RTN4: variants seen among roughly 807,000 people sequenced by gnomAD.
RTN4 encodes reticulon 4, also known as reticulon-4.
A neutral mutation model predicts 90.4 loss-of-function variants in RTN4; 32 were observed. The ratio of observed to expected loss-of-function variants is 0.35; its 90% CI spans 0.27 to 0.48. The LOEUF (loss-of-function observed/expected upper bound fraction) is 0.48, where lower values mean the gene tolerates loss of function less well. RTN4 is among the 20% of genes least tolerant of loss of function. The pLI, the probability that RTN4 is intolerant of heterozygous loss-of-function variation, is 0.99. For missense variants in RTN4, 1,706 were observed against 1,430.2 expected (o/e 1.19, Z -3.11); for synonymous variants, 629 against 552.5 (o/e 1.14, Z -1.94).
Position 55,025,185 on chromosome 2 carries a change from C to T in RTN4, c.2914G>A (p.Val972Ile), listed in dbSNP as rs200950640. 6.2e-7 allele frequency: 1 copy of T among 1,613,764 alleles called. No homozygotes were observed. Among genetic ancestry groups the T allele is most frequent in the South Asian group, 1.1e-5 (1 of 91,066 alleles). The change falls in exon 3 of 9, where the codon GTT becomes ATT. Residue 972 changes from valine (V) to isoleucine (I), a missense_variant. By Grantham distance (29) the Val-to-Ile change is conservative. Coordinates refer to ENST00000337526, the MANE Select transcript of RTN4 (RefSeq NM_020532.5). ...AEIESIVKPK[V>I]LVKEAEKKLP... ...TTTTTCTCAGCTTCTTTCACAAGAA[C>T]TTTGGGTTTAACTATGCTCTCTATC...
At chr2:55,065,588 TA>T (rs1234188079) in intron 2 of RTN4, among the ~76,000 whole-genome samples, 1 of 151,952 alleles carries the variant, frequency 6.6e-6, no homozygotes, top group Non-Finnish European at 1.5e-5. Flanking sequence ...TGGTTTGCAA[TA>T]AAAAGAGCAA....
At chr2:55,036,613 A>G (rs1437340079) in intron 1 of RTN4, among the ~76,000 whole-genome samples, 1 of 130,778 alleles carries the variant, frequency 7.6e-6, no homozygotes, top group African/African-American at 2.5e-5. Flanking sequence ...AAAAAAAAAA[A>G]AAAAAAAAAA....
chr2:55,045,369 C>T (rs1428797310), intron 1 of RTN4, among the ~76,000 whole-genome samples: 6 of 152,168 alleles, frequency 3.9e-5, no homozygotes, highest in African/African-American at 7.2e-5. Flanking sequence ...TTAAAGAAAG[C>T]GTGCTTCTTA....
rs115166488 is a variant in RTN4 at position 55,018,690 on chromosome 2, G to A, written c.3013+6396C>T. On this transcript the variant is annotated intron_variant, in intron 3 of 8. Transcript: ENST00000337526. Reference sequence around the variant, plus strand: ...AATCAGGAAAGAAAGAACAAACCCTGTGAGAATGGATTAGAATTAGAGGTA... The same window carrying A: ...AATCAGGAAAGAAAGAACAAACCCTATGAGAATGGATTAGAATTAGAGGTA... 3.4e-4 allele frequency among the ~76,000 whole-genome samples: 51 copies of A among 152,208 alleles called. 1 individual carries two copies. Among genetic ancestry groups the A allele is most frequent in the African/African-American group, 1.1e-3 (45 of 41,548 alleles).
chr2:54,975,449 A>T (rs916979566), intron 5 of RTN4, among the ~76,000 whole-genome samples: 2 of 152,194 alleles, frequency 1.3e-5, no homozygotes, highest in African/African-American at 4.8e-5. Flanking sequence ...ATAAATGAAA[A>T]GGGGAGTAGT....
chr2:55,073,442 A>G (rs1668548549), intron 2 of RTN4, among the ~76,000 whole-genome samples: 1 of 152,246 alleles, frequency 6.6e-6, no homozygotes. Flanking sequence ...TTCAATTTTT[A>G]TGTGTTATCC....
chr2:55,041,000 T>TA lies in RTN4; in HGVS notation c.556+8744dup, dbSNP rs35194022. On this transcript the variant is annotated intron_variant, in intron 1 of 8. Transcript: ENST00000337526. ...GGCCACCTATGTAAAGAGACTGCTTTAAAAAAAAAAAATCCAGTATTTGGC... is the reference window on the plus strand; with the variant it reads ...GGCCACCTATGTAAAGAGACTGCTTTAAAAAAAAAAAAATCCAGTATTTGGC... Among the ~76,000 whole-genome samples, 413 of 147,688 alleles carry TA rather than the reference T, an allele frequency of 2.8e-3. 2 individuals are homozygous for TA. Among genetic ancestry groups the TA allele is most frequent in the African/African-American group, 8.4e-3 (339 of 40,508 alleles).
At chr2:55,019,976 G>C (rs1318885973) in intron 3 of RTN4, among the ~76,000 whole-genome samples, 4 of 151,934 alleles carry the variant, frequency 2.6e-5, no homozygotes, top group African/African-American at 9.7e-5. Context: ...AAATACCTCA[G>C]AATAAGTTTA....
rs544932958 is a variant in RTN4 at position 55,061,168 on chromosome 2, CAA to C, written c.-63+19319_-63+19320del. Among the ~76,000 whole-genome samples the C allele has an allele frequency of 1.3e-4, 19 of 151,158 alleles. No individual in the cohort carries two copies. In the South Asian group the frequency reaches 4.0e-3, roughly 32 times the overall value. ...GCAACCTCCGCCTCCTGGGTTCCAG[CAA>C]TTTTCCTGCCTCAGCCTCCCAAGTA... is the stretch of plus-strand genomic sequence containing the variant. On this transcript the variant is annotated intron_variant, in intron 2 of 3. Transcript: ENST00000427710.
chr2:55,094,897 T>C (rs997309232), intron 1 of RTN4, among the ~76,000 whole-genome samples: 2 of 152,180 alleles, frequency 1.3e-5, no homozygotes, highest in Non-Finnish European at 2.9e-5. Flanking sequence ...AAGAAATTCA[T>C]ATAAGAAACT....
intron 5 of RTN4, 80 bp downstream of exon 5, chr2:54,982,435 T>C (rs193061187): frequency 2.9e-5 from 36 of 1,235,560 alleles, no homozygotes; most frequent in African/African-American, 4.6e-5. Flanking sequence ...TACTTGAATA[T>C]AGAAGAACAG....
chr2:55,048,554 T>C (rs758383926), intron 1 of RTN4, among the ~76,000 whole-genome samples: 13 of 152,076 alleles, frequency 8.5e-5, no homozygotes, highest in African/African-American at 1.4e-4. Flanking sequence ...ACCCTAGGCC[T>C]ACACAGGGTC....
rs1350375381 is a variant in RTN4 at position 55,050,112 on chromosome 2, C to G, written c.189G>C (p.Leu63=). The G allele has an allele frequency of 4.7e-6, 7 of 1,499,636 alleles. No homozygotes were observed. In the African/African-American group the frequency reaches 1.0e-4, roughly 21 times the overall value. 92.9% of individuals were successfully genotyped at this position (1,499,636 alleles called of 1,614,324 possible). The change falls in exon 1 of 9, where the codon CTG becomes CTC. Residue 63 remains leucine, a synonymous_variant. Transcript: ENST00000337526. This position sits in a 1 kb window ranked among gnomAD's most constrained non-coding sequence, Gnocchi z 4.6. ...GGGCGGTGGGCACTGGGGCCGCGGA[C>G]AGCCCGGCGGCGGGCTTCCTCTCCA... ...EVLERKPAAG[L]SAAPVPTAPA... is the part of the protein sequence containing the mutation.
At chr2:55,013,945 T>G (rs187316874) in intron 3 of RTN4, among the ~76,000 whole-genome samples, 2 of 152,292 alleles carry the variant, frequency 1.3e-5, no homozygotes, top group Admixed American at 6.5e-5. Context: ...CTAAAATAAT[T>G]TATACTTTCC....
chr2:55,009,599 A>C (rs1391746850), intron 3 of RTN4, among the ~76,000 whole-genome samples: 6 of 152,232 alleles, frequency 3.9e-5, no homozygotes, highest in African/African-American at 7.2e-5. Context: ...GATTAAAAGA[A>C]AGTTGGTAAT....
At chr2:55,057,051 C>T (rs1457348780) in intron 2 of RTN4, among the ~76,000 whole-genome samples, 1 of 152,170 alleles carries the variant, frequency 6.6e-6, no homozygotes, top group Non-Finnish European at 1.5e-5. Context: ...AATGCACAAA[C>T]ACAAAACATA....
intron 1 of RTN4, among the ~76,000 whole-genome samples, chr2:55,102,191 G>A (rs868500579): frequency 1.3e-5 from 2 of 152,100 alleles, no homozygotes; most frequent in Non-Finnish European, 2.9e-5. Flanking sequence ...AGCAGATGAC[G>A]ATTAAGGGGG....
rs752654891 is a variant in RTN4, at chr2:55,049,998, G to A, written c.303C>T (p.Ala101=). The A allele has an allele frequency of 1.1e-5, 15 of 1,377,210 alleles. No homozygotes were observed. The highest frequency in any genetic ancestry group is 1.1e-5 in the Non-Finnish European group (12 of 1,072,748). 85.3% of individuals were successfully genotyped at this position (1,377,210 alleles called of 1,614,324 possible). A position where few individuals can be genotyped will look rare whatever the true frequency, so the allele number is the denominator to read the frequency against. ...RGPLPAAPPV[A]PERQPSWDPS... is the part of the protein sequence containing the mutation. ...GGTCCCAAGACGGCTGCCGCTCCGGGGCGACGGGGGGAGCGGCCGGCAGGG... is the reference window on the plus strand; with the variant it reads ...GGTCCCAAGACGGCTGCCGCTCCGGAGCGACGGGGGGAGCGGCCGGCAGGG... The change falls in exon 1 of 9, where the codon GCC becomes GCT. Residue 101 remains alanine, a synonymous_variant. Transcript: ENST00000337526.
At chr2:55,023,993 GAT>G (rs1681634749) in intron 3 of RTN4, among the ~76,000 whole-genome samples, 1 of 152,130 alleles carries the variant, frequency 6.6e-6, no homozygotes, top group Non-Finnish European at 1.5e-5. Context: ...ATACAGCCAA[GAT>G]CTCTCTCAAG....
Sources: gnomAD v4.1 joint callset for allele counts (sites outside exome capture counted in the v4.1 genomes callset) on GRCh38, gnomAD v4.1.1 for gene constraint, Gnocchi (gnomAD v3.1) non-coding constraint, MANE v1.5 for transcripts, NCBI Gene and HGNC (gene_info 2026-07-23, HGNC 2026-07-21) for gene names.